Variants in CLDN10 observed in about 807,000 individuals in gnomAD.
CLDN10 encodes claudin-10.
In CLDN10, 15 loss-of-function variants were observed where a neutral mutation model predicts 22.9. That is an observed-to-expected ratio of 0.65 (90% CI 0.44 to 1.01). The LOEUF (loss-of-function observed/expected upper bound fraction) is 1.01. Ranked by LOEUF, CLDN10 falls within the 50% of genes least tolerant of loss-of-function variation. The pLI is 0.00. For synonymous variants in CLDN10, 114 were observed against 111.4 expected, an observed-to-expected ratio of 1.02 and a Z score of -0.15; for missense variants, 247 against 287.8, an observed-to-expected ratio of 0.86 and a Z score of 1.03.
intron 1 of CLDN10, among the ~76,000 whole-genome samples, chr13:95,501,101 C>T (rs1473005569): frequency 6.6e-6 from 1 of 151,980 alleles, no homozygotes; most frequent in Non-Finnish European, 1.5e-5. Flanking sequence ...GCAACCTCCA[C>T]CTCCTGGGTT....
At chr13:95,471,941 A>ATTT (rs58891166) in intron 1 of CLDN10, among the ~76,000 whole-genome samples, 34 of 95,788 alleles carry the variant, frequency 3.5e-4, no homozygotes, top group African/African-American at 7.9e-4. Context: ...ACACTCAGCT[A>ATTT]TTTTTTTTTT....
At chr13:95,464,080 A>T (rs1413679777) in intron 1 of CLDN10, among the ~76,000 whole-genome samples, 1 of 150,816 alleles carries the variant, frequency 6.6e-6, no homozygotes, top group Non-Finnish European at 1.5e-5. Flanking sequence ...CCCAAGACAG[A>T]CCCATGATTT....
At chr13:95,473,710 G>A (rs753764089) in intron 1 of CLDN10, among the ~76,000 whole-genome samples, 7 of 152,182 alleles carry the variant, frequency 4.6e-5, no homozygotes, top group Non-Finnish European at 5.9e-5. Flanking sequence ...AGGTCAGGGC[G>A]GGACTGAGAA....
intron 1 of CLDN10, among the ~76,000 whole-genome samples, chr13:95,503,280 GAA>G (rs1192916417): frequency 6.6e-6 from 1 of 151,902 alleles, no homozygotes; most frequent in Non-Finnish European, 1.5e-5. Context: ...AAAATGTAAA[GAA>G]AAAAACATTA....
At chr13:95,567,397 T>G (rs909327702) in intron 3 of CLDN10, among the ~76,000 whole-genome samples, 1 of 152,110 alleles carries the variant, frequency 6.6e-6, no homozygotes, top group Non-Finnish European at 1.5e-5. Flanking sequence ...TGAATGGGAG[T>G]TCACTCATGA....
intron 1 of CLDN10, among the ~76,000 whole-genome samples, chr13:95,554,151 C>T (rs888814391): frequency 2.0e-5 from 3 of 152,088 alleles, no homozygotes; most frequent in Non-Finnish European, 4.4e-5. Context: ...AGGGTGGCGC[C>T]CGGGTCCGTG....
intron 1 of CLDN10, among the ~76,000 whole-genome samples, chr13:95,484,394 A>T (rs1249223914): frequency 6.6e-6 from 1 of 152,202 alleles, no homozygotes; most frequent in African/African-American, 2.4e-5. Flanking sequence ...TGTAGAATCT[A>T]TCCTAAACAC....
intron 1 of CLDN10, among the ~76,000 whole-genome samples, chr13:95,506,419 G>A (rs555630729): frequency 6.6e-6 from 1 of 152,262 alleles, no homozygotes; most frequent in East Asian, 1.9e-4. Context: ...GAAGACGCAG[G>A]CATCCAAAAG....
At chr13:95,437,416 T>C (rs1284161924) in intron 1 of CLDN10, among the ~76,000 whole-genome samples, 1 of 152,178 alleles carries the variant, frequency 6.6e-6, no homozygotes, top group Non-Finnish European at 1.5e-5. Flanking sequence ...TGTTTTTCTG[T>C]CATATCTACG....
chr13:95,446,961 C>A (rs1028571725), intron 1 of CLDN10, among the ~76,000 whole-genome samples: 1 of 152,156 alleles, frequency 6.6e-6, no homozygotes, highest in East Asian at 1.9e-4. Context: ...TCTGGGAGAA[C>A]GGACTACTAC....
chr13:95,546,826 T>A (rs1024461293), intron 1 of CLDN10, among the ~76,000 whole-genome samples: 1 of 152,182 alleles, frequency 6.6e-6, no homozygotes, highest in African/African-American at 2.4e-5. Flanking sequence ...GCTCAGCTTC[T>A]CGTCCCAGTG....
At chr13:95,495,598 G>C (rs946332892) in intron 1 of CLDN10, among the ~76,000 whole-genome samples, 1 of 151,394 alleles carries the variant, frequency 6.6e-6, no homozygotes, top group Admixed American at 6.6e-5. Context: ...TAAAAATTTA[G>C]CCGGGCATAG....
chr13:95,435,828 T>C (rs1478421556), intron 1 of CLDN10, among the ~76,000 whole-genome samples: 2 of 152,206 alleles, frequency 1.3e-5, no homozygotes, highest in African/African-American at 4.8e-5. Flanking sequence ...TCAATTATTA[T>C]ATATATTTTT....
At chr13:95,548,579 T>C (rs7337105), upstream of CLDN10, among the ~76,000 whole-genome samples, 65,532 of 152,090 alleles carry the variant, frequency 0.43, 14,425 homozygotes, top group African/African-American at 0.52. Flanking sequence ...GTAGCTTTCA[T>C]GCTAAGTAGA....
chr13:95,548,222 A>G (rs956193036), upstream of CLDN10, among the ~76,000 whole-genome samples: 1 of 152,246 alleles, frequency 6.6e-6, no homozygotes, highest in Admixed American at 6.5e-5. Context: ...CTAGCATCAC[A>G]GAGTGAGAGT....
chr13:95,541,428 CCT>C (rs1371234289), intron 1 of CLDN10, among the ~76,000 whole-genome samples: 1 of 152,126 alleles, frequency 6.6e-6, no homozygotes, highest in Non-Finnish European at 1.5e-5. Flanking sequence ...TCCCTGGTTC[CCT>C]CTCTTGCTAG....
At chr13:95,492,512 C>T (rs2042884074) in intron 1 of CLDN10, among the ~76,000 whole-genome samples, 1 of 152,110 alleles carries the variant, frequency 6.6e-6, no homozygotes, top group East Asian at 1.9e-4. Context: ...TCACTCCCAC[C>T]GTGCCTCCCC....
intron 3 of CLDN10, among the ~76,000 whole-genome samples, chr13:95,566,003 A>T (rs2138669311): frequency 6.6e-6 from 1 of 152,018 alleles, no homozygotes; most frequent in East Asian, 1.9e-4. Context: ...TATGTGCCAC[A>T]TTTTCTTAAT....
At chr13:95,467,571 G>A (rs1445697787) in intron 1 of CLDN10, among the ~76,000 whole-genome samples, 1 of 151,466 alleles carries the variant, frequency 6.6e-6, no homozygotes, top group Non-Finnish European at 1.5e-5. Flanking sequence ...ACTTTCTGTT[G>A]GCCTATAAAA....
Sources: gnomAD v4.1 joint callset for allele counts (sites outside exome capture counted in the v4.1 genomes callset) on GRCh38, gnomAD v4.1.1 for gene constraint, MANE v1.5 for transcripts, NCBI Gene and HGNC (gene_info 2026-07-23, HGNC 2026-07-21) for gene names.